Variants in TP63 observed in about 807,000 individuals in gnomAD.
The protein encoded by TP63 is tumor protein 63.
A neutral mutation model predicts 82.8 loss-of-function variants in TP63; 17 were observed. That is an observed-to-expected ratio of 0.21 (90% CI 0.14 to 0.31). The LOEUF (loss-of-function observed/expected upper bound fraction) is 0.31. Ranked by LOEUF, TP63 falls within the 10% of genes least tolerant of loss-of-function variation. The pLI is 1.00. For synonymous variants in TP63, 330 were observed against 321.7 expected (o/e 1.03, Z -0.28); for missense variants, 648 against 895.3 (o/e 0.72, Z 3.52).
At chr3:189,678,822 CT>C (rs1715666859) in intron 1 of TP63, among the ~76,000 whole-genome samples, 1 of 151,912 alleles carries the variant, frequency 6.6e-6, no homozygotes, top group South Asian at 2.1e-4. Context: ...GACCTTTCAC[CT>C]CCTTGGTTAA....
At position 189,808,355 on chromosome 3, in the gene TP63, A is replaced by G. The variant is rs1476331255; in HGVS notation, c.408A>G (p.Thr136=). The stretch of plus-strand genomic sequence containing the variant: ...CCTCGTCCACCAGTCCCTATAACAC[A>G]GACCACGCGCAGAACAGCGTCACGG... ...NGSSSTSPYN[T]DHAQNSVTAP... is the part of the protein sequence containing the mutation. Residue 136 remains threonine, a synonymous_variant, in exon 4 of 14, where the codon ACA becomes ACG. Coordinates refer to ENST00000264731, the MANE Select transcript of TP63 (RefSeq NM_003722.5). 1.2e-6 allele frequency: 2 copies of G among 1,614,228 alleles called. No homozygotes were observed. Among genetic ancestry groups the G allele is most frequent in the South Asian group, 2.2e-5 (2 of 91,084 alleles).
chr3:189,635,317 G>A (rs1295039297), intron 1 of TP63, among the ~76,000 whole-genome samples: 1 of 152,074 alleles, frequency 6.6e-6, no homozygotes, highest in Non-Finnish European at 1.5e-5. Context: ...AAGGAAGAGT[G>A]ATGACAATGA....
chr3:189,882,099 C>G (rs1330088705), intron 10 of TP63, among the ~76,000 whole-genome samples: 1 of 151,404 alleles, frequency 6.6e-6, no homozygotes, highest in Non-Finnish European at 1.5e-5. Flanking sequence ...ATTAGTAAAA[C>G]CAGATGCTCC....
At chr3:189,776,100 A>C (rs1403897791) in intron 3 of TP63, among the ~76,000 whole-genome samples, 3 of 152,232 alleles carry the variant, frequency 2.0e-5, no homozygotes, top group Non-Finnish European at 4.4e-5. Context: ...GTAATTTAAC[A>C]AAATATAAAA....
At chr3:189,754,957 G>T (rs1322272852) in intron 3 of TP63, among the ~76,000 whole-genome samples, 1 of 147,764 alleles carries the variant, frequency 6.8e-6, no homozygotes, top group African/African-American at 2.5e-5. Context: ...ATTAAAGGCT[G>T]CTGCTTTTTT....
At chr3:189,817,555 T>C (rs1431752236) in intron 4 of TP63, among the ~76,000 whole-genome samples, 1 of 152,176 alleles carries the variant, frequency 6.6e-6, no homozygotes, top group Non-Finnish European at 1.5e-5. Flanking sequence ...TCTAAAAACA[T>C]AATATGTTAT....
intron 1 of TP63, among the ~76,000 whole-genome samples, chr3:189,703,095 C>G (rs1028175481): frequency 6.6e-6 from 1 of 152,132 alleles, no homozygotes; most frequent in South Asian, 2.1e-4. Context: ...GTGGTGCAAT[C>G]AGAACTGGGA....
chr3:189,601,843 G>A, the TP63 span, among the ~76,000 whole-genome samples: 8 of 152,244 alleles, frequency 5.3e-5, no homozygotes, highest in African/African-American at 1.2e-4. Flanking sequence ...CACTACCAAC[G>A]TAGCCAACTT....
chr3:189,843,513 T>G (rs1272828119), intron 4 of TP63, among the ~76,000 whole-genome samples: 1 of 152,054 alleles, frequency 6.6e-6, no homozygotes, highest in East Asian at 1.9e-4. Context: ...AGAGCACAAT[T>G]CGTACATGTC....
chr3:189,781,477 C>T (rs1404983118), intron 3 of TP63, among the ~76,000 whole-genome samples: 3 of 152,138 alleles, frequency 2.0e-5, no homozygotes, highest in South Asian at 2.1e-4. Flanking sequence ...AGGTGCAGAC[C>T]GGCAGCAATT....
At chr3:189,866,545 G>A (rs186009342) in intron 5 of TP63, 137 bp from the exon 6 acceptor site, 1,671 of 769,640 alleles carry the variant, frequency 2.2e-3, no homozygotes, top group Non-Finnish European at 3.1e-3. Context: ...GGATCTGTTC[G>A]TTTCTTCAAG....
intron 3 of TP63, among the ~76,000 whole-genome samples, chr3:189,797,814 G>A (rs941814277): frequency 2.0e-5 from 3 of 151,868 alleles, no homozygotes; most frequent in African/African-American, 7.3e-5. Flanking sequence ...CAGAGAAGAG[G>A]GCTTTTCTGC....
At chr3:189,724,762 G>T (rs1371527393) in intron 1 of TP63, among the ~76,000 whole-genome samples, 1 of 152,198 alleles carries the variant, frequency 6.6e-6, no homozygotes, top group Non-Finnish European at 1.5e-5. Flanking sequence ...GTATTCACAA[G>T]CATTATGGTT....
Position 189,878,091 on chromosome 3 carries a change from T to C in TP63, c.1349+5096T>C, listed in dbSNP as rs1267502214. On this transcript the variant is annotated intron_variant, in intron 10 of 13. Transcript: ENST00000264731. ...ACTTTAAAGTCCTGTATCTTTAAAC[T>C]TGTTTGGCGATGGTTATCATCAAGA... is the stretch of plus-strand genomic sequence containing the variant. Among the ~76,000 whole-genome samples the C allele has an allele frequency of 3.3e-5, 5 of 152,162 alleles. No individual in the cohort carries two copies. In the South Asian group the frequency reaches 1.0e-3, roughly 32 times the overall value.
chr3:189,820,889 G>C (rs1242014474), intron 4 of TP63, among the ~76,000 whole-genome samples: 1 of 152,080 alleles, frequency 6.6e-6, no homozygotes, highest in Non-Finnish European at 1.5e-5. Flanking sequence ...TTTCTTTTTA[G>C]GAGAGTTGAC....
At chr3:189,731,421 G>A (rs991314731) in intron 1 of TP63, among the ~76,000 whole-genome samples, 2 of 152,114 alleles carry the variant, frequency 1.3e-5, no homozygotes, top group Admixed American at 1.3e-4. Flanking sequence ...GTTCTTCTTA[G>A]ATTTCAGCTT....
At chr3:189,690,144 G>A (rs1157344299) in intron 1 of TP63, among the ~76,000 whole-genome samples, 1 of 152,110 alleles carries the variant, frequency 6.6e-6, no homozygotes, top group Non-Finnish European at 1.5e-5. Flanking sequence ...TTTCTTTTCA[G>A]ACTTCCAATC....
At chr3:189,730,322 C>T (rs1388194039) in intron 1 of TP63, among the ~76,000 whole-genome samples, 1 of 152,186 alleles carries the variant, frequency 6.6e-6, no homozygotes, top group East Asian at 1.9e-4. Context: ...AAATATCATT[C>T]ACCTATCATT....
chr3:189,820,077 C>A (rs1577031625), intron 4 of TP63, among the ~76,000 whole-genome samples: 1 of 152,148 alleles, frequency 6.6e-6, no homozygotes, highest in East Asian at 1.9e-4. Context: ...TTGTCAATGA[C>A]TACATTGAAT....
Sources: allele counts gnomAD v4.1 joint callset (sites outside exome capture counted in the v4.1 genomes callset), GRCh38; gene constraint gnomAD v4.1.1; transcripts MANE v1.5; gene names NCBI Gene and HGNC (gene_info 2026-07-23, HGNC 2026-07-21).